The following ZNF445 variants were observed in gnomAD, a reference collection of about 807,000 sequenced individuals.
ZNF445 encodes zinc finger protein 445, also known as zinc finger protein 168.
ZNF445 carries 19 observed loss-of-function variants against 93.9 expected under a neutral mutation model. That is an observed-to-expected ratio of 0.20 (90% CI 0.14 to 0.30). The LOEUF is 0.30. Among genes scored for constraint, ZNF445 ranks in the 10% least tolerant of loss-of-function variants. ZNF445 has a pLI of 1.00. For synonymous variants in ZNF445, 449 were observed against 446.3 expected (o/e 1.01, Z -0.08); for missense variants, 1,058 against 1,259.4 (o/e 0.84, Z 2.42).
intron 1 of ZNF445, among the ~76,000 whole-genome samples, chr3:44,476,836 C>A (rs1698365004): frequency 6.6e-6 from 1 of 152,076 alleles, no homozygotes; most frequent in African/African-American, 2.4e-5. Flanking sequence ...GTCACTTCAC[C>A]ATTTAGAGCT....
intron 1 of ZNF445, among the ~76,000 whole-genome samples, chr3:44,474,656 A>C (rs76327254): frequency 6.6e-6 from 1 of 152,224 alleles, no homozygotes; most frequent in Non-Finnish European, 1.5e-5. Context: ...TCTAGATTGG[A>C]GCCTACAACA....
intron 1 of ZNF445, among the ~76,000 whole-genome samples, chr3:44,469,273 G>A (rs1698234308): frequency 6.6e-6 from 1 of 152,162 alleles, no homozygotes; most frequent in Non-Finnish European, 1.5e-5. Flanking sequence ...GTTTACTTAT[G>A]GAGATGGAGG....
chr3:44,476,712 C>T (rs1575321002), intron 1 of ZNF445, among the ~76,000 whole-genome samples: 1 of 152,188 alleles, frequency 6.6e-6, no homozygotes, highest in East Asian at 1.9e-4. Flanking sequence ...GTGCTACAAT[C>T]GCTGCAGGTT....
chr3:44,454,574 T>G (rs966772328), intron 3 of ZNF445, among the ~76,000 whole-genome samples: 1 of 152,206 alleles, frequency 6.6e-6, no homozygotes, highest in Non-Finnish European at 1.5e-5. Flanking sequence ...TAGCTGGGAC[T>G]ACAGTCACAT....
chr3:44,468,203 TC>T (rs1375906003), intron 1 of ZNF445, among the ~76,000 whole-genome samples: 2 of 152,130 alleles, frequency 1.3e-5, no homozygotes. Flanking sequence ...AACAGCCTTT[TC>T]CCACCTTCAT....
rs759955110 is a variant in ZNF445, at chr3:44,448,536, T to C, written c.1135A>G (p.Asn379Asp). ...IQVRVKKEET[N>D]FSHRTGKDSE... ...TCTTTTCCTGTCCTGTGACTGAAATTGGTCTCTTCTTTCTTAACTCTTACT... is the reference window on the plus strand; with the variant it reads ...TCTTTTCCTGTCCTGTGACTGAAATCGGTCTCTTCTTTCTTAACTCTTACT... Residue 379 changes from asparagine (N) to aspartate (D), a missense_variant, in exon 8 of 8, where the codon AAT becomes GAT. Around this residue, in one of 3 missense-constraint regions of ZNF445, gnomAD observed 657 missense variants for 746.4 expected, o/e 0.88. Coordinates refer to ENST00000396077, the MANE Select transcript of ZNF445 (RefSeq NM_181489.6). 6.8e-6 allele frequency: 11 copies of C among 1,613,988 alleles called. No homozygotes were observed. The Admixed American group carries it at 1.2e-4, about 17-fold the overall frequency.
rs539217632 is a variant in ZNF445 at position 44,468,636 on chromosome 3, A to ACTGG, written c.-269+8951_-269+8954dup. On this transcript the variant is annotated intron_variant, in intron 1 of 7. Transcript: ENST00000396077. ...TAGCTGGCACAACCCAGATCAATAA[A>ACTGG]CTGGCTCATCTGATCTTGTGGCCCG... Among the ~76,000 whole-genome samples, 514 of 151,834 alleles carry ACTGG rather than the reference A, an allele frequency of 3.4e-3. 5 individuals carry two copies. Among genetic ancestry groups the ACTGG allele is most frequent in the African/African-American group, 0.012 (502 of 41,306 alleles).
intron 2 of ZNF445, among the ~76,000 whole-genome samples, chr3:44,456,729 C>T (rs1698032228): frequency 6.6e-6 from 1 of 152,128 alleles, no homozygotes; most frequent in Non-Finnish European, 1.5e-5. Context: ...CCTGAGAATC[C>T]AATCCCCTAG....
intron 1 of ZNF445, among the ~76,000 whole-genome samples, chr3:44,465,783 A>G (rs1031351440): frequency 4.6e-5 from 7 of 152,054 alleles, no homozygotes; most frequent in Non-Finnish European, 1.0e-4. Flanking sequence ...GTGCAATGGC[A>G]CGCGCCTGTA....
intron 3 of ZNF445, 93 bp downstream of exon 3, chr3:44,455,028 T>C: frequency 1.4e-6 from 2 of 1,478,142 alleles, no homozygotes; most frequent in Non-Finnish European, 1.9e-6. Context: ...CACTCCTCTA[T>C]ATTGACAGTT....
chr3:44,461,107 CAG>C (rs1434582487), intron 1 of ZNF445, among the ~76,000 whole-genome samples: 7 of 152,190 alleles, frequency 4.6e-5, no homozygotes, highest in African/African-American at 1.4e-4. Context: ...AGCCCCACTG[CAG>C]AGTGTCTGCA....
intron 3 of ZNF445, among the ~76,000 whole-genome samples, chr3:44,453,640 T>C (rs547517229): frequency 2.0e-4 from 30 of 152,234 alleles, no homozygotes; most frequent in African/African-American, 6.7e-4. Context: ...AAGTGATAAA[T>C]GCTTTTTTAA....
chr3:44,453,711 C>T (rs776449351), intron 3 of ZNF445, among the ~76,000 whole-genome samples: 1 of 152,208 alleles, frequency 6.6e-6, no homozygotes, highest in Non-Finnish European at 1.5e-5. Context: ...GCAGGAAGAA[C>T]GAACGCACTT....
chr3:44,441,623 T>C lies in ZNF445; in HGVS notation c.*4952A>G, dbSNP rs905867741. On this transcript the variant is annotated 3_prime_UTR_variant, in exon 8 of 8. Transcript: ENST00000396077. ...GTACCTGGCAGGGATTTCTATAAAG[T>C]CATAAGATGTCAGAGACTATGCTTA... The C allele has an allele frequency of 2.6e-5, 4 of 152,192 alleles. No homozygotes were observed. The highest frequency in any genetic ancestry group is 9.7e-5 in the African/African-American group (4 of 41,430). 9.4% of individuals were successfully genotyped at this position (152,192 alleles called of 1,614,324 possible).
chr3:44,450,697 A>G, intron 5 of ZNF445, 124 bp from the exon 6 acceptor site: 1 of 1,386,996 alleles, frequency 7.2e-7, no homozygotes, highest in Non-Finnish European at 9.8e-7. Flanking sequence ...GAAAGGGAAG[A>G]CCATCACCCA....
At position 44,443,341 on chromosome 3, in the gene ZNF445, C is replaced by T. The variant is rs1248351720; in HGVS notation, c.*3234G>A. The T allele has an allele frequency of 1.3e-5, 2 of 152,106 alleles. No homozygotes were observed. The highest frequency in any genetic ancestry group is 2.9e-5 in the Non-Finnish European group (2 of 68,026). The allele number at this position is 152,106 out of a possible 1,614,324, so 9.4% of individuals were successfully genotyped here. ...TTATATAATTATAGTACTTATAGAA[C>T]TAAAATTATTTGAAAACTCAGGTTA... On this transcript the variant is annotated 3_prime_UTR_variant, in exon 8 of 8. Coordinates refer to ENST00000396077, the MANE Select transcript of ZNF445 (RefSeq NM_181489.6).
intron 3 of ZNF445, among the ~76,000 whole-genome samples, chr3:44,452,946 G>A (rs1159851456): frequency 8.2e-6 from 1 of 121,872 alleles, no homozygotes; most frequent in Non-Finnish European, 1.6e-5. Flanking sequence ...ACATAGTCTT[G>A]CTCTTTCGCC....
rs1207194874 is a variant in ZNF445 at position 44,435,339 on chromosome 3, G to A, written c.*11236C>T. 6.6e-6 allele frequency: 1 copy of A among 152,160 alleles called. No individual in the cohort carries two copies. Among genetic ancestry groups the A allele is most frequent in the East Asian group, 1.9e-4 (1 of 5,200 alleles). 9.4% of individuals were successfully genotyped at this position (152,160 alleles called of 1,614,324 possible). A position where few individuals can be genotyped will look rare whatever the true frequency, so the allele number is the denominator to read the frequency against. ...TCACAGTGATTGATTTACTGTGTGA[G>A]AACAGAACAAACCTGGGCCTGGCTC... On this transcript the variant is annotated 3_prime_UTR_variant, in exon 8 of 8. Coordinates refer to ENST00000396077, the MANE Select transcript of ZNF445 (RefSeq NM_181489.6).
chr3:44,468,215 A>AACCC (rs1263230378), intron 1 of ZNF445, among the ~76,000 whole-genome samples: 3 of 152,110 alleles, frequency 2.0e-5, no homozygotes, highest in Non-Finnish European at 2.9e-5. Context: ...CCACCTTCAT[A>AACCC]ACTTACACCT....
Sources: gnomAD v4.1 joint callset for allele counts (sites outside exome capture counted in the v4.1 genomes callset) on GRCh38, gnomAD v4.1.1 for gene constraint, gnomAD v4.1.1 regional missense constraint, MANE v1.5 for transcripts, NCBI Gene and HGNC (gene_info 2026-07-23, HGNC 2026-07-21) for gene names.